SNX30: variants seen among roughly 807,000 people sequenced by gnomAD.
SNX30 encodes sorting nexin-30.
A neutral mutation model predicts 46.4 loss-of-function variants in SNX30; 24 were observed. That is an observed-to-expected ratio of 0.52 (90% CI 0.37 to 0.73). The LOEUF (loss-of-function observed/expected upper bound fraction) is 0.73, where lower values mean the gene tolerates loss of function less well. Ranked by LOEUF, SNX30 falls within the 30% of genes least tolerant of loss-of-function variation. SNX30 has a pLI of 0.00. For synonymous variants in SNX30, 189 were observed against 211.5 expected (o/e 0.89, Z 0.92); for missense variants, 533 against 555.7 (o/e 0.96, Z 0.41).
intron 7 of SNX30, among the ~76,000 whole-genome samples, chr9:112,859,672 C>T (rs981825139): frequency 2.0e-5 from 3 of 152,034 alleles, no homozygotes; most frequent in Non-Finnish European, 2.9e-5. Context: ...AGTGCAGTGG[C>T]GTGATCTTGG....
rs1343298574 is a variant in SNX30 at position 112,865,639 on chromosome 9, ATATATATATATATATATATATATGTATG to A, written c.1254+1244_1254+1271del. On this transcript the variant is annotated intron_variant, in intron 8 of 8. Transcript: ENST00000374232. ...CCTGTCACGCCATATATATATATAT[ATATATATATATATATATATATATGTATG>A]TATGTATGCACACACACACACACGT... Among the ~76,000 whole-genome samples the A allele has an allele frequency of 5.4e-4, 63 of 116,556 alleles. 4 individuals are homozygous for A. Among genetic ancestry groups the A allele is most frequent in the African/African-American group, 1.7e-3 (50 of 30,002 alleles). The allele number at this position is 116,556 out of a possible 152,430, so 76.5% of individuals were successfully genotyped here.
At chr9:112,880,148 TG>T (rs1278702162) in exon 5 of SNX30, 3 of 195,954 alleles carry the variant, frequency 1.5e-5, no homozygotes, top group Non-Finnish European at 3.1e-5. Flanking sequence ...CTGGCCAACC[TG>T]GTGAAACCCC....
chr9:112,793,570 C>T (rs1354659214), intron 1 of SNX30, among the ~76,000 whole-genome samples: 7 of 152,148 alleles, frequency 4.6e-5, no homozygotes, highest in East Asian at 1.9e-4. Context: ...AATTAGCGTG[C>T]GTGTAAAGGG....
Position 112,868,997 on chromosome 9 carries a change from A to C in SNX30, c.*154A>C. 1.4e-6 allele frequency: 1 copy of C among 713,630 alleles called. No homozygotes were observed. Among genetic ancestry groups the C allele is most frequent in the Non-Finnish European group, 2.4e-6 (1 of 413,932 alleles). 44.2% of individuals were successfully genotyped at this position (713,630 alleles called of 1,614,324 possible). On this transcript the variant is annotated 3_prime_UTR_variant, in exon 9 of 9. Coordinates refer to ENST00000374232, the MANE Select transcript of SNX30 (RefSeq NM_001012994.2). The stretch of plus-strand genomic sequence containing the variant: ...TTCCCTCCCCCACCTTTCACCCCAC[A>C]GTGGTTTTCAATTAGTATTTATTCC...
intron 1 of SNX30, among the ~76,000 whole-genome samples, chr9:112,791,362 A>G (rs1167784431): frequency 1.0e-5 from 1 of 98,324 alleles, no homozygotes; most frequent in African/African-American, 3.8e-5. Context: ...TTAATTGCTG[A>G]TGTTTTCTGA....
At chr9:112,848,963 C>CT (rs1354594004) in intron 6 of SNX30, among the ~76,000 whole-genome samples, 2 of 152,200 alleles carry the variant, frequency 1.3e-5, no homozygotes, top group Admixed American at 1.3e-4. Flanking sequence ...AGGGCATTGT[C>CT]TTAACAGCTT....
At chr9:112,883,057 T>C (rs1380720643), downstream of SNX30, among the ~76,000 whole-genome samples, 1 of 152,068 alleles carries the variant, frequency 6.6e-6, no homozygotes, top group Admixed American at 6.6e-5. Flanking sequence ...GAGATGAAGG[T>C]GGCAGCAGGT....
chr9:112,875,134 T>C (rs1841504428), downstream of SNX30: 2 of 152,176 alleles, frequency 1.3e-5, no homozygotes, highest in Admixed American at 6.6e-5. Flanking sequence ...ATATATATAA[T>C]TGAACTATTT....
At chr9:112,844,915 TGGCCATTTCC>T (rs1391088653) in intron 6 of SNX30, among the ~76,000 whole-genome samples, 5 of 152,222 alleles carry the variant, frequency 3.3e-5, no homozygotes, top group African/African-American at 1.2e-4. Flanking sequence ...TGCTTTAGGT[TGGCCATTTCC>T]GGTGCCTTTC....
intron 1 of SNX30, among the ~76,000 whole-genome samples, chr9:112,767,021 T>C (rs1438725545): frequency 1.3e-5 from 2 of 152,160 alleles, no homozygotes; most frequent in Admixed American, 6.5e-5. Flanking sequence ...TTTTGAGGAC[T>C]CGTCATACTG....
intron 1 of SNX30, among the ~76,000 whole-genome samples, chr9:112,759,912 C>T (rs1013973940): frequency 3.9e-5 from 6 of 151,960 alleles, no homozygotes; most frequent in Non-Finnish European, 8.8e-5. Context: ...CCAGCGAGTT[C>T]GTAGAGTAGT....
At chr9:112,881,217 C>T (rs1841572796) in intron 5 of SNX30, among the ~76,000 whole-genome samples, 1 of 152,194 alleles carries the variant, frequency 6.6e-6, no homozygotes, top group South Asian at 2.1e-4. Flanking sequence ...TCTGCTGGAG[C>T]TCCAGAATCC....
At chr9:112,815,359 C>CT (rs201531415) in intron 2 of SNX30, among the ~76,000 whole-genome samples, 1,552 of 140,714 alleles carry the variant, frequency 0.011, 30 homozygotes, top group African/African-American at 0.034. Flanking sequence ...AATAGTGTAA[C>CT]TTTTTTTTTT....
intron 1 of SNX30, among the ~76,000 whole-genome samples, chr9:112,781,200 T>A (rs1839840644): frequency 6.6e-6 from 1 of 152,216 alleles, no homozygotes; most frequent in South Asian, 2.1e-4. Flanking sequence ...AGAAACAATA[T>A]CTTGTTTTCA....
chr9:112,848,333 T>G (rs1382112344), intron 6 of SNX30, among the ~76,000 whole-genome samples: 1 of 152,042 alleles, frequency 6.6e-6, no homozygotes, highest in African/African-American at 2.4e-5. Flanking sequence ...GAGACTGGGC[T>G]GGGGGCCCAT....
chr9:112,819,346 A>C (rs1840455960), intron 3 of SNX30, among the ~76,000 whole-genome samples: 1 of 140,688 alleles, frequency 7.1e-6, no homozygotes. Context: ...GGCTCACTGC[A>C]ACCTCTGCCC....
At chr9:112,835,160 A>C (rs1840733013) in intron 4 of SNX30, among the ~76,000 whole-genome samples, 1 of 152,128 alleles carries the variant, frequency 6.6e-6, no homozygotes, top group African/African-American at 2.4e-5. Context: ...TCTGGGGATT[A>C]ACATTCTGTT....
At chr9:112,884,618 T>C (rs1239393690), downstream of SNX30, among the ~76,000 whole-genome samples, 2 of 152,216 alleles carry the variant, frequency 1.3e-5, no homozygotes, top group African/African-American at 4.8e-5. Context: ...GGGATCCTGA[T>C]AGCAGTCAAT....
rs754850562 is a variant in SNX30, at chr9:112,864,389, A to G, written c.1244A>G (p.Tyr415Cys). The change falls in exon 8 of 9, where the codon TAT becomes TGT. Residue 415 changes from tyrosine (Y) to cysteine (C), a missense_variant. This residue lies in a region of SNX30 where 261 missense variants were observed against 270.9 expected (regional missense o/e 0.96). Transcript: ENST00000374232. Reference protein sequence around the residue: ...LMGMADKNIQYYEKCLMAWES... With the variant: ...LMGMADKNIQCYEKCLMAWES... Reference sequence around the variant, plus strand: ...GGGATGGCTGACAAGAACATCCAGTATTATGAGAAGGTAATGAGTGTGCCC... The same window carrying G: ...GGGATGGCTGACAAGAACATCCAGTGTTATGAGAAGGTAATGAGTGTGCCC... 1.7e-5 allele frequency: 28 copies of G among 1,614,220 alleles called. No homozygotes were observed. The South Asian group carries it at 3.0e-4, about 17-fold the overall frequency.
Sources: gnomAD v4.1 joint callset for allele counts (sites outside exome capture counted in the v4.1 genomes callset) on GRCh38, gnomAD v4.1.1 for gene constraint, gnomAD v4.1.1 regional missense constraint, MANE v1.5 for transcripts, NCBI Gene and HGNC (gene_info 2026-07-23, HGNC 2026-07-21) for gene names.